Variants in KLHL12 observed in about 807,000 individuals in gnomAD.
The protein encoded by KLHL12 is kelch like family member 12.
In KLHL12, 17 loss-of-function variants were observed where a neutral mutation model predicts 60.8. The ratio of observed to expected loss-of-function variants is 0.28; its 90% CI spans 0.19 to 0.42. The LOEUF (loss-of-function observed/expected upper bound fraction) is 0.42, where lower values mean the gene tolerates loss of function less well. KLHL12 is among the 10% of genes least tolerant of loss of function. KLHL12 has a pLI of 1.00. For missense variants in KLHL12, 468 were observed against 722.3 expected (o/e 0.65, Z 4.04); for synonymous variants, 220 against 250.9 (o/e 0.88, Z 1.16).
At chr1:202,928,461 T>C, upstream of KLHL12, 1 of 1,285,970 alleles carries the variant, frequency 7.8e-7, no homozygotes, top group Non-Finnish European at 1.0e-6. Context: ...AAGCATCTGA[T>C]TGCAGCAAGT....
At chr1:202,922,296 C>T (rs2102458217) in intron 2 of KLHL12, among the ~76,000 whole-genome samples, 1 of 151,966 alleles carries the variant, frequency 6.6e-6, no homozygotes. Flanking sequence ...GGGCCGGGCA[C>T]ATGGCTCAAG....
intron 9 of KLHL12, 40 bp downstream of exon 9, chr1:202,894,551 C>T (rs774482678): frequency 2.5e-6 from 4 of 1,603,146 alleles, no homozygotes; most frequent in Middle Eastern, 1.7e-4. Flanking sequence ...GCCCATTACC[C>T]ATTGAGTTCC....
chr1:202,919,025 G>A (rs1571540679), intron 3 of KLHL12, among the ~76,000 whole-genome samples: 1 of 152,214 alleles, frequency 6.6e-6, no homozygotes, highest in African/African-American at 2.4e-5. Flanking sequence ...CAAGGTGGGA[G>A]GATCACTCGA....
At chr1:202,924,828 G>C in intron 2 of KLHL12, 140 bp downstream of exon 2, 1 of 900,712 alleles carries the variant, frequency 1.1e-6, no homozygotes, top group Non-Finnish European at 1.7e-6. Flanking sequence ...TCATCTAAGT[G>C]GTAGATCTTA....
Position 202,895,613 on chromosome 1 carries a change from A to C in KLHL12, c.1044T>G (p.Cys348Trp), listed in dbSNP as rs1659808983. ...CATCCTCATCTGCTGTGTAGTCTAG[A>C]CATTCCACTGAACTAAGGCGGGAAC... ...DGRSRLSSVECLDYTADEDGV... is the reference protein window; with the variant it reads ...DGRSRLSSVEWLDYTADEDGV... Residue 348 changes from cysteine to tryptophan, a missense_variant, in exon 8 of 12, where the codon TGT becomes TGG. Coordinates refer to ENST00000367261, the MANE Select transcript of KLHL12 (RefSeq NM_021633.4). This position sits in a 1 kb window ranked among gnomAD's most constrained non-coding sequence, Gnocchi z 4.2. 1 of 1,614,122 alleles carries C rather than the reference A, an allele frequency of 6.2e-7. No homozygotes were observed.
intron 4 of KLHL12, among the ~76,000 whole-genome samples, chr1:202,915,494 A>G (rs1455630670): frequency 6.6e-6 from 1 of 152,184 alleles, no homozygotes; most frequent in African/African-American, 2.4e-5. Context: ...TACACATAAG[A>G]GTTCTCAAGC....
At chr1:202,920,056 G>A (rs1186454622) in intron 2 of KLHL12, 148 bp from the exon 3 acceptor site, 6 of 715,354 alleles carry the variant, frequency 8.4e-6, no homozygotes, top group African/African-American at 1.8e-5. Flanking sequence ...GCTCATGCCT[G>A]TAATCCCAGC....
intron 4 of KLHL12, chr1:202,911,890 A>G: frequency 1.2e-6 from 1 of 853,674 alleles, no homozygotes; most frequent in Non-Finnish European, 2.0e-6. Flanking sequence ...TGAAATAACC[A>G]ATGAAGAAAG....
intron 2 of KLHL12, among the ~76,000 whole-genome samples, chr1:202,922,258 ATAT>A (rs1186564989): frequency 1.4e-5 from 2 of 145,724 alleles, no homozygotes; most frequent in African/African-American, 5.0e-5. Flanking sequence ...GTTAGGTCTG[ATAT>A]TATTACTATC....
chr1:202,897,367 C>T (rs1231832401), intron 6 of KLHL12, among the ~76,000 whole-genome samples: 2 of 151,172 alleles, frequency 1.3e-5, no homozygotes. Context: ...TCCCGAGTAG[C>T]TGGGATTACA....
In KLHL12 at chr1:202,893,424, A is replaced by G; in HGVS notation, c.1395T>C (p.Gly465=). The G allele has an allele frequency of 6.2e-7, 1 of 1,609,690 alleles. No homozygotes were observed. Among genetic ancestry groups the G allele is most frequent in the Non-Finnish European group, 8.5e-7 (1 of 1,177,708 alleles). ...NVTPMATKRS[G]AGVALLNDHI... ...GGTCATTCAGCAGGGCTACTCCTGC[A>G]CCTGGGGAAAATGAATGCATTAGCA... The change falls in exon 11 of 12, where the codon GGT becomes GGC. Residue 465 remains glycine (G), a splice_region_variant and synonymous_variant. Coordinates refer to ENST00000367261, the MANE Select transcript of KLHL12 (RefSeq NM_021633.4). The surrounding 1 kb of genome is among the most constrained non-coding windows in gnomAD (Gnocchi z 4.1).
Position 202,913,124 on chromosome 1 carries a change from G to A in KLHL12, c.568-1921C>T, listed in dbSNP as rs1456496672. Among the ~76,000 whole-genome samples, 7 of 151,644 alleles carry A rather than the reference G, an allele frequency of 4.6e-5. No homozygotes were observed. The East Asian group carries it at 7.7e-4, about 17-fold the overall frequency. On this transcript the variant is annotated intron_variant, in intron 4 of 11. Transcript: ENST00000367261. Reference sequence around the variant, plus strand: ...CCTTCAAGGAACTACTGTGTATTACGCACTATGCTATTTGAGAAGATATAT... The same window carrying A: ...CCTTCAAGGAACTACTGTGTATTACACACTATGCTATTTGAGAAGATATAT...
chr1:202,925,510 G>T (rs758824454), intron 1 of KLHL12, among the ~76,000 whole-genome samples: 1 of 152,092 alleles, frequency 6.6e-6, no homozygotes, highest in African/African-American at 2.4e-5. Flanking sequence ...TCTTGACAAG[G>T]TTCTTGTCTC....
chr1:202,899,308 T>C (rs1659934410), intron 6 of KLHL12, among the ~76,000 whole-genome samples: 2 of 152,156 alleles, frequency 1.3e-5, no homozygotes, highest in Admixed American at 1.3e-4. Flanking sequence ...CAAAACTCCA[T>C]CTCAAAGAAA....
Position 202,909,239 on chromosome 1 carries a change from C to A in KLHL12, c.718-115G>T. 1 of 628,196 alleles carries A rather than the reference C, an allele frequency of 1.6e-6. No individual in the cohort carries two copies. The allele number at this position is 628,196 out of a possible 1,614,324, so 38.9% of individuals were successfully genotyped here. On this transcript the variant is annotated intron_variant, in intron 5 of 11. Transcript: ENST00000367261. This position sits in a 1 kb window ranked among gnomAD's most constrained non-coding sequence, Gnocchi z 4.1. ...ACTACAGAAAACCAGTTTGCAAAGC[C>A]CTGTGATTCCAGGAGTATTGCTGGT...
chr1:202,901,273 G>C (rs1007225742), intron 6 of KLHL12, among the ~76,000 whole-genome samples: 1 of 151,948 alleles, frequency 6.6e-6, no homozygotes, highest in African/African-American at 2.4e-5. Context: ...AGTTTGTTTT[G>C]TTCTGTTTAA....
chr1:202,913,228 C>T (rs796522776), intron 4 of KLHL12, among the ~76,000 whole-genome samples: 18 of 152,162 alleles, frequency 1.2e-4, no homozygotes, highest in African/African-American at 4.3e-4. Context: ...CTAAAAAAAC[C>T]TACACTACAT....
intron 4 of KLHL12, 28 bp downstream of exon 4, chr1:202,918,142 GA>G: frequency 6.5e-7 from 1 of 1,542,660 alleles, no homozygotes; most frequent in Non-Finnish European, 8.9e-7. Flanking sequence ...CAATCTTGAA[GA>G]AACCATAACA....
intron 6 of KLHL12, 23 bp downstream of exon 6, chr1:202,908,987 A>G: frequency 6.9e-7 from 1 of 1,455,468 alleles, no homozygotes; most frequent in South Asian, 1.1e-5. Flanking sequence ...GCATCCCCTC[A>G]TTCTGCCGAG....
Sources: allele counts gnomAD v4.1 joint callset (sites outside exome capture counted in the v4.1 genomes callset), GRCh38; gene constraint gnomAD v4.1.1; non-coding constraint Gnocchi (gnomAD v3.1); transcripts MANE v1.5; gene names NCBI Gene and HGNC (gene_info 2026-07-23, HGNC 2026-07-21).